The following PATL1 variants were observed in gnomAD, a reference collection of about 807,000 sequenced individuals.
PATL1 encodes protein PAT1 homolog 1.
In PATL1, 32 loss-of-function variants were observed where a neutral mutation model predicts 100.6. The observed-to-expected ratio is 0.32, with a 90% CI of 0.24 to 0.43. The LOEUF (loss-of-function observed/expected upper bound fraction) is 0.43. PATL1 is among the 20% of genes least tolerant of loss of function. The probability of loss-of-function intolerance (pLI) is 1.00; values close to 1 mark genes in which losing one functional copy is unlikely to be tolerated. For missense variants in PATL1, 747 were observed against 949.9 expected (o/e 0.79, Z 2.81); for synonymous variants, 332 against 330.0 (o/e 1.01, Z -0.07).
chr11:59,657,793 T>C (rs1482180721), intron 4 of PATL1, 69 bp from the exon 5 acceptor site: 2 of 1,210,166 alleles, frequency 1.7e-6, no homozygotes, highest in Admixed American at 2.8e-5. Context: ...TCTCTACAGA[T>C]GCCAAAAATA....
chr11:59,649,276 T>A (rs1271972201), intron 14 of PATL1, among the ~76,000 whole-genome samples, 186 bp downstream of exon 14: 2 of 152,212 alleles, frequency 1.3e-5, no homozygotes, highest in African/African-American at 2.4e-5. Context: ...ACTTTTTTTT[T>A]CTTTCCTCAC....
Position 59,668,887 on chromosome 11 carries a change from G to C in PATL1, c.9C>G (p.Arg3=). 2.4e-6 allele frequency: 3 copies of C among 1,239,918 alleles called. No individual in the cohort carries two copies. The highest frequency in any genetic ancestry group is 3.4e-5 in the South Asian group (2 of 59,138). 76.8% of individuals were successfully genotyped at this position (1,239,918 alleles called of 1,614,324 possible). MF[R]YESLEDCPLD... is the part of the protein sequence containing the mutation. ...TCCGGTCGCAACAGCTCACCTCGTA[G>C]CGGAACATTCTTGGGGAGGGGGGCA... Residue 3 remains arginine, a synonymous_variant, in exon 1 of 19, where the codon CGC becomes CGG. Transcript: ENST00000300146.
chr11:59,665,830 C>A (rs1861679677), intron 2 of PATL1, among the ~76,000 whole-genome samples: 1 of 151,744 alleles, frequency 6.6e-6, no homozygotes, highest in African/African-American at 2.4e-5. Context: ...ATTTAAATTT[C>A]AATTTATTAC....
intron 12 of PATL1, 68 bp from the exon 13 acceptor site, chr11:59,650,881 T>C: frequency 9.2e-7 from 1 of 1,085,978 alleles, no homozygotes; most frequent in Non-Finnish European, 1.3e-6. Context: ...AAGTGCGCAT[T>C]TGTAGGTTCA....
intron 16 of PATL1, chr11:59,639,633 C>T (rs1010304095): frequency 2.5e-5 from 10 of 398,638 alleles, no homozygotes; most frequent in Admixed American, 4.2e-5. Flanking sequence ...GTGTCCAACA[C>T]GCCTCTCTGT....
At chr11:59,649,365 G>C in intron 14 of PATL1, 97 bp downstream of exon 14, 1 of 1,229,792 alleles carries the variant, frequency 8.1e-7, no homozygotes, top group Non-Finnish European at 1.1e-6. Flanking sequence ...TACAGAGATG[G>C]TAGGGAAGTG....
At chr11:59,658,985 T>C in intron 3 of PATL1, 39 bp from the exon 4 acceptor site, 2 of 1,501,280 alleles carry the variant, frequency 1.3e-6, no homozygotes, top group Non-Finnish European at 1.8e-6. Context: ...TGAAATGTTG[T>C]ATACTCTCTG....
Position 59,663,701 on chromosome 11 carries a change from T to C in PATL1, c.127+3152A>G, listed in dbSNP as rs1861654391. ...TGCAACACTATTTATTGCTCTAAGA[T>C]GATGCAAACATTTTTTCATGCAGAA... On this transcript the variant is annotated intron_variant, in intron 2 of 18. Coordinates refer to ENST00000300146, the MANE Select transcript of PATL1 (RefSeq NM_152716.3). Among the ~76,000 whole-genome samples, 3 of 152,186 alleles carry C rather than the reference T, an allele frequency of 2.0e-5. No homozygotes were observed. In the South Asian group the frequency reaches 6.2e-4, roughly 31 times the overall value.
rs768002645 is a variant in PATL1, at chr11:59,655,617, G to A, written c.937C>T (p.Pro313Ser). ...GRVGQMLPPA[P>S]GFRAFFSAPP... ...GCACTAAAGAAGGCACGGAAGCCTGGTGCTGGGGGAAGCATCTGCCCAACT... is the reference window on the plus strand; with the variant it reads ...GCACTAAAGAAGGCACGGAAGCCTGATGCTGGGGGAAGCATCTGCCCAACT... Residue 313 changes from proline to serine, a missense_variant, in exon 8 of 19, where the codon CCA becomes TCA. This residue lies in a region of PATL1 where 434 missense variants were observed against 596.1 expected (regional missense o/e 0.73). Transcript: ENST00000300146. 3 of 1,595,716 alleles carry A rather than the reference G, an allele frequency of 1.9e-6. No homozygotes were observed. The highest frequency in any genetic ancestry group is 1.3e-5 in the African/African-American group (1 of 74,618).
At chr11:59,663,423 A>G (rs1288374292) in intron 2 of PATL1, among the ~76,000 whole-genome samples, 2 of 152,174 alleles carry the variant, frequency 1.3e-5, no homozygotes, top group African/African-American at 4.8e-5. Context: ...ATTCCTTCCA[A>G]GTGGAGGCAG....
intron 15 of PATL1, 87 bp downstream of exon 15, chr11:59,647,667 G>T: frequency 7.3e-7 from 1 of 1,362,950 alleles, no homozygotes; most frequent in Non-Finnish European, 1.0e-6. Flanking sequence ...ATACAAAAGG[G>T]AAGAGGAGAG....
chr11:59,639,634 G>A (rs1861246382), intron 16 of PATL1: 1 of 395,084 alleles, frequency 2.5e-6, no homozygotes, highest in Middle Eastern at 7.0e-4. Flanking sequence ...TGTCCAACAC[G>A]CCTCTCTGTT....
At chr11:59,649,634 C>A (rs1454022767) in intron 13 of PATL1, 24 bp from the exon 14 acceptor site, 1 of 1,605,894 alleles carries the variant, frequency 6.2e-7, no homozygotes, top group East Asian at 2.2e-5. Flanking sequence ...CAAAAGCAGG[C>A]CACAGCATGC....
Position 59,656,614 on chromosome 11 carries a change from C to A in PATL1, c.622-14G>T. Reference sequence around the variant, plus strand: ...CGGACACAGAATCTATCAGGACAAACATATATACAACTACACTCAATGAAA... The same window carrying A: ...CGGACACAGAATCTATCAGGACAAAAATATATACAACTACACTCAATGAAA... On this transcript the variant is annotated splice_polypyrimidine_tract_variant and intron_variant, in intron 5 of 18. Coordinates refer to ENST00000300146, the MANE Select transcript of PATL1 (RefSeq NM_152716.3). The A allele has an allele frequency of 6.2e-7, 1 of 1,603,872 alleles. No homozygotes were observed. Among genetic ancestry groups the A allele is most frequent in the Non-Finnish European group, 8.5e-7 (1 of 1,170,932 alleles).
rs995619773 is a variant in PATL1 at position 59,638,140 on chromosome 11, A to C, written c.*250T>G. 1 of 548,534 alleles carries C rather than the reference A, an allele frequency of 1.8e-6. No homozygotes were observed. The highest frequency in any genetic ancestry group is 3.3e-6 in the Non-Finnish European group (1 of 305,738). 34.0% of individuals were successfully genotyped at this position (548,534 alleles called of 1,614,324 possible). A position where few individuals can be genotyped will look rare whatever the true frequency, so the allele number is the denominator to read the frequency against. On this transcript the variant is annotated 3_prime_UTR_variant, in exon 19 of 19. Coordinates refer to ENST00000300146, the MANE Select transcript of PATL1 (RefSeq NM_152716.3). ...GAAAATGCAAAACAGAACTGAGTAA[A>C]AGTAGGACATGCAGAACTGTAACAC... is the stretch of plus-strand genomic sequence containing the variant.
At chr11:59,653,240 A>G (rs1470495247) in intron 9 of PATL1, among the ~76,000 whole-genome samples, 1 of 152,134 alleles carries the variant, frequency 6.6e-6, no homozygotes, top group Non-Finnish European at 1.5e-5. Context: ...ACCTTACCAT[A>G]TGCTAAGCAT....
chr11:59,668,941 G>A lies in PATL1; in HGVS notation c.-46C>T, dbSNP rs767812796. 11 of 399,000 alleles carry A rather than the reference G, an allele frequency of 2.8e-5. No individual in the cohort carries two copies. The highest frequency in any genetic ancestry group is 4.6e-6 in the Non-Finnish European group (1 of 216,328). The allele number at this position is 399,000 out of a possible 1,614,324, so 24.7% of individuals were successfully genotyped here. A position where few individuals can be genotyped will look rare whatever the true frequency, so the allele number is the denominator to read the frequency against. On this transcript the variant is annotated 5_prime_UTR_variant, in exon 1 of 19. Transcript: ENST00000300146. ...AGCGGGGAGGGGAGAGGGGGAGGGA[G>A]GGAAGAAGCGCTGACTCCCCGGCTC...
At chr11:59,659,800 A>G (rs924763497) in intron 2 of PATL1, among the ~76,000 whole-genome samples, 4 of 152,158 alleles carry the variant, frequency 2.6e-5, no homozygotes, top group African/African-American at 9.7e-5. Context: ...TCGGCCTCCC[A>G]AAGTGCTGGG....
At position 59,639,401 on chromosome 11, in the gene PATL1, G is replaced by A. The variant is rs376755675; in HGVS notation, c.2050-18C>T. The stretch of plus-strand genomic sequence containing the variant: ...AGGCCAAACTACGAGAAAAGACAGA[G>A]GGAATCAAACTCAACACTGTGTCTA... On this transcript the variant is annotated intron_variant, in intron 16 of 18. Coordinates refer to ENST00000300146, the MANE Select transcript of PATL1 (RefSeq NM_152716.3). 2.6e-6 allele frequency: 4 copies of A among 1,543,696 alleles called. No individual in the cohort carries two copies. Among genetic ancestry groups the A allele is most frequent in the Non-Finnish European group, 3.5e-6 (4 of 1,141,518 alleles).
Sources: allele counts gnomAD v4.1 joint callset (sites outside exome capture counted in the v4.1 genomes callset), GRCh38; gene constraint gnomAD v4.1.1; regional missense constraint gnomAD v4.1.1; transcripts MANE v1.5; gene names NCBI Gene and HGNC (gene_info 2026-07-23, HGNC 2026-07-21).